Variants in NAV2 observed in about 807,000 individuals in gnomAD.
The protein encoded by NAV2 is neuron navigator 2.
In NAV2, 54 loss-of-function variants were observed where a neutral mutation model predicts 223.2. The observed-to-expected ratio is 0.24, with a 90% CI of 0.19 to 0.30. The LOEUF is 0.30. Among genes scored for constraint, NAV2 ranks in the 10% least tolerant of loss-of-function variants. The pLI, the probability that NAV2 is intolerant of heterozygous loss-of-function variation, is 1.00. For synonymous variants in NAV2, 1,279 were observed against 1,239.3 expected (o/e 1.03, Z -0.67); for missense variants, 2,806 against 3,147.5 (o/e 0.89, Z 2.60).
At chr11:19,903,229 A>G (rs905995541) in intron 6 of NAV2, among the ~76,000 whole-genome samples, 1 of 152,068 alleles carries the variant, frequency 6.6e-6, no homozygotes, top group African/African-American at 2.4e-5. Flanking sequence ...ATTTGAGACA[A>G]TGGTCATGGT....
chr11:19,699,281 T>C (rs1342563347), intron 1 of NAV2, among the ~76,000 whole-genome samples: 1 of 152,222 alleles, frequency 6.6e-6, no homozygotes, highest in Non-Finnish European at 1.5e-5. Flanking sequence ...TTTCTTCGTC[T>C]GTAAAAGAGG....
chr11:19,482,467 T>C lies in NAV2; in HGVS notation c.75+131440T>C, dbSNP rs548030673. 2.0e-5 allele frequency among the ~76,000 whole-genome samples: 3 copies of C among 152,218 alleles called. No homozygotes were observed. The East Asian group carries it at 5.8e-4, about 29-fold the overall frequency. On this transcript the variant is annotated intron_variant, in intron 1 of 37. Transcript: ENST00000360655. ...TGCCTGTGGAACTGGAAAAAGGCAG[T>C]TTTCCACGAGTCAAGCCGGGGCTGA...
chr11:19,472,241 G>A (rs908011772), intron 1 of NAV2, among the ~76,000 whole-genome samples: 1 of 152,120 alleles, frequency 6.6e-6, no homozygotes, highest in African/African-American at 2.4e-5. Flanking sequence ...ACGGTATAGA[G>A]GATAAGCACA....
rs531847114 is a variant in NAV2 at position 20,083,058 on chromosome 11, G to A, written c.5377G>A (p.Ala1793Thr). The A allele has an allele frequency of 3.7e-6, 6 of 1,614,162 alleles. No individual in the cohort carries two copies. In the African/African-American group the frequency reaches 8.0e-5, roughly 22 times the overall value. ...AFGKKKSPKS[A>T]SSHSDIEEMT... ...CGGGAAGAAGAAGTCCCCAAAATCT[G>A]CGTCCTCTCATTCAGATATTGAGGA... Residue 1793 changes from alanine to threonine, a missense_variant, in exon 26 of 38, where the codon GCG (alanine) becomes ACG (threonine). Transcript: ENST00000349880.
intron 1 of NAV2, among the ~76,000 whole-genome samples, chr11:19,565,067 A>G (rs139202825): frequency 0.059 from 8,867 of 151,398 alleles, 593 homozygotes; most frequent in African/African-American, 0.16. Context: ...CCCAAGAGGC[A>G]GATGTTGCAG....
Position 19,839,659 on chromosome 11 carries a change from T to G in NAV2, c.386-3212T>G, listed in dbSNP as rs770256210. Among the ~76,000 whole-genome samples, 29 of 152,360 alleles carry G rather than the reference T, an allele frequency of 1.9e-4. 1 individual carries two copies. The East Asian group carries it at 5.6e-3, about 29-fold the overall frequency. ...GTTGTTAACTGCCAGGGATGATAAGTGCATAGATGCACAAGCTATGTTGAA... is the reference window on the plus strand; with the variant it reads ...GTTGTTAACTGCCAGGGATGATAAGGGCATAGATGCACAAGCTATGTTGAA... On this transcript the variant is annotated intron_variant, in intron 2 of 37. Coordinates refer to ENST00000349880, the MANE Select transcript of NAV2 (RefSeq NM_145117.5).
intron 6 of NAV2, among the ~76,000 whole-genome samples, chr11:19,923,055 T>C (rs1239607445): frequency 6.6e-6 from 1 of 152,218 alleles, no homozygotes; most frequent in Non-Finnish European, 1.5e-5. Context: ...TATGGGTGTT[T>C]AATGCTCGAA....
At chr11:19,979,460 C>T (rs952760825) in intron 10 of NAV2, among the ~76,000 whole-genome samples, 1 of 152,180 alleles carries the variant, frequency 6.6e-6, no homozygotes, top group Non-Finnish European at 1.5e-5. Flanking sequence ...AACATACCTT[C>T]CCCTCTGCCA....
intron 1 of NAV2, among the ~76,000 whole-genome samples, chr11:19,379,069 A>G (rs1002761439): frequency 1.3e-4 from 20 of 152,260 alleles, no homozygotes; most frequent in African/African-American, 4.8e-4. Flanking sequence ...AGTTTCCTGG[A>G]AAGGCTGCTG....
Position 19,471,889 on chromosome 11 carries a change from C to A in NAV2, c.75+120862C>A, listed in dbSNP as rs151034234. 3.5e-3 allele frequency among the ~76,000 whole-genome samples: 539 copies of A among 152,286 alleles called. 1 individual carries two copies. Among genetic ancestry groups the A allele is most frequent in the Non-Finnish European group, 5.4e-3 (367 of 68,026 alleles). On this transcript the variant is annotated intron_variant, in intron 1 of 37. Transcript: ENST00000360655. ...TTCCCACAGATGCTGCTCTCAGATC[C>A]TCCCTCCTACCTGGGCCTTCACTGA...
chr11:20,020,952 C>A (rs536928117), intron 11 of NAV2, among the ~76,000 whole-genome samples: 2 of 152,242 alleles, frequency 1.3e-5, no homozygotes, highest in Non-Finnish European at 2.9e-5. Context: ...TATCTCAGGG[C>A]CTTTGCACTG....
chr11:20,003,771 C>A (rs1352839483), intron 11 of NAV2, among the ~76,000 whole-genome samples: 1 of 152,194 alleles, frequency 6.6e-6, no homozygotes, highest in Non-Finnish European at 1.5e-5. Flanking sequence ...ATGAAGCAGA[C>A]CCTCACCAGT....
chr11:19,524,526 A>T (rs1424365384), intron 1 of NAV2, among the ~76,000 whole-genome samples: 1 of 152,130 alleles, frequency 6.6e-6, no homozygotes, highest in Non-Finnish European at 1.5e-5. Flanking sequence ...GGAGCAGGGC[A>T]GGCACGTCTG....
intron 6 of NAV2, among the ~76,000 whole-genome samples, chr11:19,894,283 G>A (rs908047637): frequency 2.6e-5 from 4 of 152,158 alleles, no homozygotes; most frequent in Non-Finnish European, 5.9e-5. Flanking sequence ...CCCTGGAAGT[G>A]GGAAACAAAT....
At chr11:19,418,406 C>T (rs552371205) in intron 1 of NAV2, among the ~76,000 whole-genome samples, 1 of 152,342 alleles carries the variant, frequency 6.6e-6, no homozygotes, top group Admixed American at 6.5e-5. Context: ...TGGTGTGAGG[C>T]TTACAGCCCA....
chr11:19,779,486 T>C (rs36074929), intron 1 of NAV2, among the ~76,000 whole-genome samples: 2,172 of 152,320 alleles, frequency 0.014, 22 homozygotes, highest in Non-Finnish European at 0.021. Context: ...AATTTACCCT[T>C]TATTTGTTGT....
intron 1 of NAV2, among the ~76,000 whole-genome samples, chr11:19,627,448 G>A (rs1173093679): frequency 6.6e-6 from 1 of 152,078 alleles, no homozygotes; most frequent in African/African-American, 2.4e-5. Flanking sequence ...TTGGCTTTGG[G>A]GTTGTTTAGG....
At chr11:19,383,029 T>C (rs1361418559) in intron 1 of NAV2, among the ~76,000 whole-genome samples, 1 of 152,204 alleles carries the variant, frequency 6.6e-6, no homozygotes, top group African/African-American at 2.4e-5. Context: ...GGTATCTACA[T>C]TGAATTTCTA....
intron 1 of NAV2, among the ~76,000 whole-genome samples, chr11:19,379,829 C>T (rs922991007): frequency 1.3e-5 from 2 of 152,184 alleles, no homozygotes; most frequent in African/African-American, 4.8e-5. Flanking sequence ...ATTCTCTTCT[C>T]ACCTGCCAAC....
Sources: gnomAD v4.1 joint callset for allele counts (sites outside exome capture counted in the v4.1 genomes callset) on GRCh38, gnomAD v4.1.1 for gene constraint, MANE v1.5 for transcripts, NCBI Gene and HGNC (gene_info 2026-07-23, HGNC 2026-07-21) for gene names.